The following IFTAP variants were observed in gnomAD, a reference collection of about 807,000 sequenced individuals.
IFTAP encodes intraflagellar transport associated protein, also known as intraflagellar transport-associated protein.
A neutral mutation model predicts 19.4 loss-of-function variants in IFTAP; 19 were observed. That is an observed-to-expected ratio of 0.98 (90% CI 0.68 to 1.44). The LOEUF (loss-of-function observed/expected upper bound fraction) is 1.44, where lower values mean the gene tolerates loss of function less well. Ranked by LOEUF, IFTAP falls within the 40% of genes most tolerant of loss-of-function variation. IFTAP has a pLI of 0.00. For synonymous variants in IFTAP, 85 were observed against 83.5 expected (o/e 1.02, Z -0.10); for missense variants, 240 against 253.6 (o/e 0.95, Z 0.36).
At chr11:36,650,430 G>A (rs1853666205) in intron 5 of IFTAP, among the ~76,000 whole-genome samples, 1 of 151,160 alleles carries the variant, frequency 6.6e-6, no homozygotes, top group South Asian at 2.1e-4. Context: ...GGTATAGTGT[G>A]ATATTTTGGT....
At chr11:36,638,631 G>A (rs886110276) in intron 4 of IFTAP, among the ~76,000 whole-genome samples, 2 of 152,218 alleles carry the variant, frequency 1.3e-5, no homozygotes, top group African/African-American at 4.8e-5. Context: ...AGGAATGTGA[G>A]CAGAAGGCAA....
At chr11:36,653,497 A>G (rs1368085737) in intron 5 of IFTAP, among the ~76,000 whole-genome samples, 1 of 152,182 alleles carries the variant, frequency 6.6e-6, no homozygotes, top group Non-Finnish European at 1.5e-5. Context: ...AATAAATCAT[A>G]ATTTCAGTTT....
intron 2 of IFTAP, among the ~76,000 whole-genome samples, chr11:36,617,109 T>A (rs929172247): frequency 2.7e-5 from 4 of 150,842 alleles, no homozygotes; most frequent in African/African-American, 7.3e-5. Context: ...TTATATTGAC[T>A]ATATTTGAAA....
At chr11:36,606,356 G>A (rs1163303267) in intron 1 of IFTAP, among the ~76,000 whole-genome samples, 1 of 152,114 alleles carries the variant, frequency 6.6e-6, no homozygotes, top group African/African-American at 2.4e-5. Context: ...CCAGCTACTC[G>A]GGAGGCTGAG....
intron 4 of IFTAP, among the ~76,000 whole-genome samples, chr11:36,636,780 T>C (rs946302953): frequency 2.0e-5 from 3 of 152,154 alleles, no homozygotes; most frequent in African/African-American, 7.2e-5. Context: ...ATTTTCCACA[T>C]GGGCTGGATT....
At chr11:36,658,346 C>T (rs1347868966) in intron 5 of IFTAP, among the ~76,000 whole-genome samples, 1 of 152,036 alleles carries the variant, frequency 6.6e-6, no homozygotes. Context: ...TATCTGCCTT[C>T]CTTTAGGAAG....
intron 5 of IFTAP, among the ~76,000 whole-genome samples, chr11:36,654,914 T>C (rs1411126937): frequency 2.6e-5 from 4 of 152,150 alleles, no homozygotes; most frequent in Non-Finnish European, 4.4e-5. Flanking sequence ...CACTCAAATC[T>C]ACCTTCTGTT....
chr11:36,626,457 G>A (rs894948999), intron 2 of IFTAP, among the ~76,000 whole-genome samples: 1 of 151,288 alleles, frequency 6.6e-6, no homozygotes. Flanking sequence ...TAAGCACATA[G>A]TGGACTCTCA....
At chr11:36,627,376 T>C (rs935247924) in intron 2 of IFTAP, among the ~76,000 whole-genome samples, 1 of 151,188 alleles carries the variant, frequency 6.6e-6, no homozygotes, top group African/African-American at 2.5e-5. Flanking sequence ...GTGGAGGTAT[T>C]GTTCATGGAT....
At chr11:36,630,212 A>G (rs562377166) in intron 2 of IFTAP, among the ~76,000 whole-genome samples, 1 of 151,500 alleles carries the variant, frequency 6.6e-6, no homozygotes, top group Admixed American at 6.5e-5. Context: ...TTGAAAAATA[A>G]CTTTTTTCCC....
intron 4 of IFTAP, among the ~76,000 whole-genome samples, chr11:36,640,580 C>G (rs1853157451): frequency 6.6e-6 from 1 of 152,014 alleles, no homozygotes; most frequent in African/African-American, 2.4e-5. Context: ...GACTGACAAA[C>G]TATATTTCTC....
chr11:36,609,979 T>C (rs1851817177), intron 1 of IFTAP, 102 bp from the exon 2 acceptor site: 2 of 1,033,836 alleles, frequency 1.9e-6, no homozygotes, highest in Admixed American at 2.3e-5. Flanking sequence ...ATCTTGATCT[T>C]TGTTTTGGAG....
intron 4 of IFTAP, among the ~76,000 whole-genome samples, chr11:36,646,610 T>C (rs1389586697): frequency 6.6e-6 from 1 of 152,082 alleles, no homozygotes; most frequent in African/African-American, 2.4e-5. Flanking sequence ...TAAAATAAAA[T>C]ATGTAACAAA....
At chr11:36,619,549 G>T (rs1396683124) in intron 2 of IFTAP, among the ~76,000 whole-genome samples, 2 of 152,016 alleles carry the variant, frequency 1.3e-5, no homozygotes, top group African/African-American at 2.4e-5. Context: ...TCTCATAAAA[G>T]AAAACACAAC....
intron 4 of IFTAP, among the ~76,000 whole-genome samples, chr11:36,644,540 A>T (rs1853387224): frequency 6.6e-6 from 1 of 152,176 alleles, no homozygotes. Flanking sequence ...CTATAAAGAC[A>T]CATGCACACG....
intron 5 of IFTAP, among the ~76,000 whole-genome samples, chr11:36,654,556 C>T (rs992028251): frequency 3.9e-5 from 6 of 152,074 alleles, no homozygotes; most frequent in African/African-American, 1.4e-4. Context: ...TGTTCCTTTG[C>T]ATTCTGTGCT....
intron 4 of IFTAP, among the ~76,000 whole-genome samples, chr11:36,643,011 T>A (rs1306955024): frequency 1.3e-5 from 2 of 152,116 alleles, no homozygotes; most frequent in Non-Finnish European, 2.9e-5. Flanking sequence ...TGGCCAGGGC[T>A]ATCAGGCAGG....
At chr11:36,646,927 C>T (rs1266464481) in intron 4 of IFTAP, among the ~76,000 whole-genome samples, 2 of 152,110 alleles carry the variant, frequency 1.3e-5, no homozygotes, top group Non-Finnish European at 2.9e-5. Flanking sequence ...TTTGCCATTT[C>T]CCCTCCACAA....
chr11:36,609,129 A>G (rs1851790096), intron 1 of IFTAP, among the ~76,000 whole-genome samples: 1 of 152,222 alleles, frequency 6.6e-6, no homozygotes, highest in Non-Finnish European at 1.5e-5. Context: ...ATTTAACAGT[A>G]AACCCTAGTA....
Sources: gnomAD v4.1 joint callset for allele counts (sites outside exome capture counted in the v4.1 genomes callset) on GRCh38, gnomAD v4.1.1 for gene constraint, MANE v1.5 for transcripts, NCBI Gene and HGNC (gene_info 2026-07-23, HGNC 2026-07-21) for gene names.